ANKRD44: variants seen among roughly 807,000 people sequenced by gnomAD.
ANKRD44 encodes the protein ankyrin repeat domain 44.
A neutral mutation model predicts 116.0 loss-of-function variants in ANKRD44; 35 were observed. The observed-to-expected ratio is 0.30, with a 90% CI of 0.23 to 0.40. ANKRD44 has a LOEUF of 0.40. Among genes scored for constraint, ANKRD44 ranks in the 10% least tolerant of loss-of-function variants. The pLI is 1.00. For missense variants in ANKRD44, 1,014 were observed against 1,242.6 expected (o/e 0.82, Z 2.77); for synonymous variants, 435 against 461.8 (o/e 0.94, Z 0.74).
At chr2:197,091,227 G>A (rs2078036756) in intron 10 of ANKRD44, among the ~76,000 whole-genome samples, 1 of 152,230 alleles carries the variant, frequency 6.6e-6, no homozygotes, top group East Asian at 1.9e-4. Context: ...CTGCTGCAGA[G>A]CCTGCACAGA....
intron 9 of ANKRD44, among the ~76,000 whole-genome samples, chr2:197,106,821 T>TTC: frequency 1.4e-5 from 2 of 147,856 alleles, no homozygotes; most frequent in Non-Finnish European, 3.0e-5. Flanking sequence ...TTTTTTTTTT[T>TTC]CAGGAAAACA....
intron 2 of ANKRD44, among the ~76,000 whole-genome samples, chr2:197,177,060 C>A (rs182034071): frequency 2.6e-5 from 4 of 152,232 alleles, no homozygotes; most frequent in African/African-American, 9.6e-5. Flanking sequence ...ATTAGTTGAT[C>A]TAAAATATAC....
chr2:197,259,987 T>C (rs1212377319), intron 1 of ANKRD44, among the ~76,000 whole-genome samples: 2 of 152,238 alleles, frequency 1.3e-5, no homozygotes, highest in South Asian at 2.1e-4. Context: ...TACTATCTTA[T>C]ATGACCTTGA....
Position 196,987,524 on chromosome 2 carries a change from G to A in ANKRD44, c.*2067C>T, listed in dbSNP as rs1247225991. ...TGCTCAACAGTACAAAGAATAACTA[G>A]TGCAGCAAATCCATTTGATGTTCTT... On this transcript the variant is annotated 3_prime_UTR_variant, in exon 28 of 28. Transcript: ENST00000282272. 3.0e-6 allele frequency: 3 copies of A among 985,226 alleles called. No individual in the cohort carries two copies. Among genetic ancestry groups the A allele is most frequent in the African/African-American group, 3.5e-5 (2 of 57,238 alleles). 61.0% of individuals were successfully genotyped at this position (985,226 alleles called of 1,614,324 possible). A position where few individuals can be genotyped will look rare whatever the true frequency, so the allele number is the denominator to read the frequency against.
intron 1 of ANKRD44, chr2:197,302,624 CTGAAT>C (rs2083945586): frequency 6.6e-6 from 1 of 152,196 alleles, no homozygotes; most frequent in Admixed American, 6.5e-5. Context: ...CCCGGCTGAC[CTGAAT>C]GTCTGCCTGG....
intron 13 of ANKRD44, among the ~76,000 whole-genome samples, chr2:197,084,067 C>T (rs1253506763): frequency 6.6e-6 from 1 of 152,062 alleles, no homozygotes; most frequent in Non-Finnish European, 1.5e-5. Flanking sequence ...TTTTAAGGTG[C>T]AATACCCACA....
chr2:197,136,612 C>T lies in ANKRD44; in HGVS notation c.241G>A (p.Ala81Thr). The T allele has an allele frequency of 2.5e-6, 4 of 1,614,152 alleles. No homozygotes were observed. Among genetic ancestry groups the T allele is most frequent in the South Asian group, 1.1e-5 (1 of 91,082 alleles). ...CTCACTTCACTTCTGGAAGCAACAG[C>T]CCGGTGCAGTGGAGTCAGCCACATG... ...DNMWLTPLHR[A>T]VASRSEEAVQ... The change falls in exon 4 of 28, where the codon GCT becomes ACT. Residue 81 changes from alanine (A) to threonine (T), a missense_variant. Transcript: ENST00000282272.
At position 197,071,179 on chromosome 2, in the gene ANKRD44, T is replaced by G. The variant is rs116675355; in HGVS notation, c.1650+7524A>C. Among the ~76,000 whole-genome samples, 1,220 of 152,292 alleles carry G rather than the reference T, an allele frequency of 8.0e-3. 5 individuals are homozygous for G. The highest frequency in any genetic ancestry group is 0.017 in the Middle Eastern group (5 of 294). On this transcript the variant is annotated intron_variant, in intron 16 of 27. Transcript: ENST00000282272. Reference sequence around the variant, plus strand: ...GAACCAGATTTTTGTTTCATTGAATTTCTTCACTGGTTTTCAATTTCATTT... The same window carrying G: ...GAACCAGATTTTTGTTTCATTGAATGTCTTCACTGGTTTTCAATTTCATTT...
chr2:197,055,608 C>A (rs192228495), intron 16 of ANKRD44, among the ~76,000 whole-genome samples: 199 of 152,286 alleles, frequency 1.3e-3, no homozygotes, highest in African/African-American at 4.6e-3. Flanking sequence ...ATCTTGAATT[C>A]AGTTTTGTAT....
chr2:196,999,410 A>C (rs1430098548), intron 23 of ANKRD44, among the ~76,000 whole-genome samples: 1 of 152,206 alleles, frequency 6.6e-6, no homozygotes, highest in Admixed American at 6.5e-5. Context: ...TAAAAATTTT[A>C]AAAACCCGTC....
chr2:197,263,317 C>A, intron 1 of ANKRD44: 1 of 655,714 alleles, frequency 1.5e-6, no homozygotes, highest in South Asian at 1.5e-5. Context: ...GGGACATCGA[C>A]ACAACAGCCA....
At chr2:197,303,611 T>C (rs773464756) in intron 1 of ANKRD44, among the ~76,000 whole-genome samples, 23 of 152,184 alleles carry the variant, frequency 1.5e-4, no homozygotes, top group African/African-American at 5.3e-4. Flanking sequence ...GGTCTTCTGG[T>C]ATAAAAGATA....
At chr2:197,041,561 C>T (rs2076912465) in intron 16 of ANKRD44, among the ~76,000 whole-genome samples, 1 of 152,186 alleles carries the variant, frequency 6.6e-6, no homozygotes, top group Non-Finnish European at 1.5e-5. Flanking sequence ...TGCCTCTCTT[C>T]TCTCCCCATT....
chr2:197,096,231 A>T (rs1219836985), intron 10 of ANKRD44, among the ~76,000 whole-genome samples: 1 of 152,188 alleles, frequency 6.6e-6, no homozygotes, highest in Non-Finnish European at 1.5e-5. Flanking sequence ...AAATTCCTCA[A>T]GGGCAGGGAC....
At chr2:197,103,190 T>C in intron 9 of ANKRD44, among the ~76,000 whole-genome samples, 1 of 143,488 alleles carries the variant, frequency 7.0e-6, no homozygotes, top group Non-Finnish European at 1.5e-5. Context: ...ATTACGCCAC[T>C]GCGCTCCAGC....
At position 197,097,802 on chromosome 2, in the gene ANKRD44, C is replaced by T. The variant is rs149221724; in HGVS notation, c.1100+2014G>A. On this transcript the variant is annotated intron_variant, in intron 10 of 27. Transcript: ENST00000282272. ...ATCATTAGACACAACCTGTTCTACG[C>T]CCACTTAGAATTCTTTAACAGCTTC... Among the ~76,000 whole-genome samples the T allele has an allele frequency of 1.5e-3, 226 of 152,274 alleles. 1 individual carries two copies. The highest frequency in any genetic ancestry group is 5.0e-3 in the African/African-American group (209 of 41,554).
chr2:197,062,672 T>A (rs896334095), intron 16 of ANKRD44, among the ~76,000 whole-genome samples: 20 of 152,224 alleles, frequency 1.3e-4, no homozygotes. Flanking sequence ...GGAGATTATA[T>A]CCTGCACCTG....
At chr2:197,087,315 G>A (rs1037979780) in intron 12 of ANKRD44, among the ~76,000 whole-genome samples, 1 of 152,170 alleles carries the variant, frequency 6.6e-6, no homozygotes, top group Non-Finnish European at 1.5e-5. Flanking sequence ...GGAGCACAGT[G>A]ATCTTCCATA....
chr2:197,307,957 C>T (rs1186598952), intron 1 of ANKRD44, among the ~76,000 whole-genome samples: 2 of 152,090 alleles, frequency 1.3e-5, no homozygotes, highest in African/African-American at 2.4e-5. Flanking sequence ...ACTGTTTGAG[C>T]CCAAGAGTTT....
Sources: allele counts gnomAD v4.1 joint callset (sites outside exome capture counted in the v4.1 genomes callset), GRCh38; gene constraint gnomAD v4.1.1; transcripts MANE v1.5; gene names NCBI Gene and HGNC (gene_info 2026-07-23, HGNC 2026-07-21).